SBF2: variants seen among roughly 807,000 people sequenced by gnomAD.
SBF2 encodes myotubularin-related protein 13.
A neutral mutation model predicts 225.2 loss-of-function variants in SBF2; 112 were observed. The observed-to-expected ratio is 0.50, with a 90% CI of 0.43 to 0.58. The LOEUF is 0.58. SBF2 is among the 20% of genes least tolerant of loss of function. The pLI, the probability that SBF2 is intolerant of heterozygous loss-of-function variation, is 0.00. For missense variants in SBF2, 1,996 were observed against 2,206.2 expected, an observed-to-expected ratio of 0.90 and a Z score of 1.91; for synonymous variants, 763 against 773.3, an observed-to-expected ratio of 0.99 and a Z score of 0.22.
chr11:10,301,472 G>C (rs935698074), intron 1 of SBF2, among the ~76,000 whole-genome samples: 2 of 152,020 alleles, frequency 1.3e-5, no homozygotes, highest in Admixed American at 6.5e-5. Flanking sequence ...GATGCATCTT[G>C]AACTTTGTTT....
chr11:10,261,045 A>C lies in SBF2; in HGVS notation c.55+32970T>G, dbSNP rs190895388. Among the ~76,000 whole-genome samples, 16 of 152,336 alleles carry C rather than the reference A, an allele frequency of 1.1e-4. No individual in the cohort carries two copies. In the East Asian group the frequency reaches 2.5e-3, roughly 24 times the overall value. On this transcript the variant is annotated intron_variant, in intron 1 of 39. Coordinates refer to ENST00000256190, the MANE Select transcript of SBF2 (RefSeq NM_030962.4). Reference sequence around the variant, plus strand: ...GAACAGACCCTTCACCAAAGAGCAGAAGAAAAAAACTGATCAACATCATTA... The same window carrying C: ...GAACAGACCCTTCACCAAAGAGCAGCAGAAAAAAACTGATCAACATCATTA...
chr11:9,994,192 C>A (rs139841757), intron 9 of SBF2, among the ~76,000 whole-genome samples, 194 bp from the exon 10 acceptor site: 1 of 151,978 alleles, frequency 6.6e-6, no homozygotes, highest in Admixed American at 6.6e-5. Flanking sequence ...GAAACATGTT[C>A]GGCCGGGCGC....
intron 16 of SBF2, among the ~76,000 whole-genome samples, chr11:9,903,886 T>C (rs1239474405): frequency 6.6e-6 from 1 of 152,150 alleles, no homozygotes; most frequent in African/African-American, 2.4e-5. Flanking sequence ...CTCTTAATGC[T>C]CATGCCCAGG....
chr11:10,145,273 T>C (rs1340971820), intron 2 of SBF2, among the ~76,000 whole-genome samples: 4 of 152,144 alleles, frequency 2.6e-5, no homozygotes, highest in Non-Finnish European at 2.9e-5. Flanking sequence ...CTTTCCAAAT[T>C]GCTTGATTTC....
At chr11:9,997,574 C>T (rs1191396365) in intron 9 of SBF2, among the ~76,000 whole-genome samples, 6 of 152,220 alleles carry the variant, frequency 3.9e-5, no homozygotes, top group Admixed American at 1.3e-4. Flanking sequence ...ATCAGGAGAT[C>T]GAGACCATCC....
chr11:9,787,869 T>C, intron 35 of SBF2, 131 bp from the exon 36 acceptor site: 2 of 763,550 alleles, frequency 2.6e-6, no homozygotes, highest in Non-Finnish European at 2.3e-6. Context: ...GTGGTGGACA[T>C]GGGCCTGTGA....
chr11:9,813,381 G>A (rs1233757111), intron 29 of SBF2, among the ~76,000 whole-genome samples: 3 of 152,074 alleles, frequency 2.0e-5, no homozygotes, highest in South Asian at 2.1e-4. Context: ...AGGCTGGAGC[G>A]CAATGGTGCG....
chr11:9,957,438 A>G (rs1243310240), intron 16 of SBF2: 1 of 151,218 alleles, frequency 6.6e-6, no homozygotes, highest in Non-Finnish European at 1.5e-5. Flanking sequence ...ATAAGCCACA[A>G]AACTATATAT....
chr11:9,790,768 A>G, intron 33 of SBF2, 85 bp from the exon 34 acceptor site: 1 of 1,073,536 alleles, frequency 9.3e-7, no homozygotes, highest in South Asian at 1.4e-5. Context: ...GCAGATAAAA[A>G]AGTGGAATAT....
At chr11:9,908,421 C>T (rs1370439067) in intron 16 of SBF2, among the ~76,000 whole-genome samples, 3 of 151,968 alleles carry the variant, frequency 2.0e-5, no homozygotes, top group Non-Finnish European at 2.9e-5. Flanking sequence ...GTCAGGAGAT[C>T]GAGACCATCC....
chr11:9,916,769 G>GGGAT (rs1033645618), intron 16 of SBF2, among the ~76,000 whole-genome samples: 1 of 151,826 alleles, frequency 6.6e-6, no homozygotes, highest in Non-Finnish European at 1.5e-5. Context: ...ATTTTTTGTA[G>GGGAT]GGATGGGGTC....
At chr11:9,948,901 G>C (rs541428226) in intron 16 of SBF2, among the ~76,000 whole-genome samples, 3 of 152,198 alleles carry the variant, frequency 2.0e-5, no homozygotes, top group Non-Finnish European at 4.4e-5. Flanking sequence ...TTACTTATTT[G>C]CTTTGTCTTC....
chr11:10,161,194 A>G (rs1955717722), intron 2 of SBF2, among the ~76,000 whole-genome samples: 1 of 151,494 alleles, frequency 6.6e-6, no homozygotes, highest in South Asian at 2.1e-4. Flanking sequence ...CAAAAAAAAA[A>G]AAAAAAAAAA....
intron 1 of SBF2, among the ~76,000 whole-genome samples, chr11:10,230,778 G>A (rs1312880355): frequency 1.3e-5 from 2 of 152,210 alleles, no homozygotes; most frequent in East Asian, 1.9e-4. Context: ...GAATCTGACA[G>A]TTATGTATCT....
At chr11:9,902,971 AC>A (rs1205292440) in intron 16 of SBF2, among the ~76,000 whole-genome samples, 4 of 147,316 alleles carry the variant, frequency 2.7e-5, no homozygotes, top group Admixed American at 6.8e-5. Flanking sequence ...AAAAAAAAAA[AC>A]AACAAACCTG....
At chr11:10,078,149 A>G (rs1040687862) in intron 2 of SBF2, among the ~76,000 whole-genome samples, 5 of 152,214 alleles carry the variant, frequency 3.3e-5, no homozygotes, top group African/African-American at 1.2e-4. Context: ...AAGATGCTGG[A>G]GAGGATATGG....
intron 1 of SBF2, among the ~76,000 whole-genome samples, chr11:10,232,587 A>C (rs1958904412): frequency 6.7e-6 from 1 of 149,472 alleles, no homozygotes; most frequent in Non-Finnish European, 1.5e-5. Flanking sequence ...TGTAAGGGAC[A>C]AGGTCTTGCT....
intron 2 of SBF2, among the ~76,000 whole-genome samples, chr11:10,130,157 T>C (rs1953967459): frequency 6.6e-6 from 1 of 152,096 alleles, no homozygotes; most frequent in Non-Finnish European, 1.5e-5. Flanking sequence ...GGTCAGGAGA[T>C]TGAAACCATC....
At chr11:9,948,773 A>C (rs1865700752) in intron 16 of SBF2, among the ~76,000 whole-genome samples, 1 of 152,206 alleles carries the variant, frequency 6.6e-6, no homozygotes, top group Admixed American at 6.5e-5. Flanking sequence ...TAAAAAGATA[A>C]GCATCATTAG....
Sources: gnomAD v4.1 joint callset for allele counts (sites outside exome capture counted in the v4.1 genomes callset) on GRCh38, gnomAD v4.1.1 for gene constraint, MANE v1.5 for transcripts, NCBI Gene and HGNC (gene_info 2026-07-23, HGNC 2026-07-21) for gene names.